RUNX1T1: variants seen among roughly 807,000 people sequenced by gnomAD.
RUNX1T1 encodes protein CBFA2T1.
Under a neutral mutation model 62.8 loss-of-function variants are expected in RUNX1T1, and 4 were observed. The observed-to-expected ratio is 0.06, with a 90% confidence interval of 0.03 to 0.15. The LOEUF is 0.15. Ranked by LOEUF, RUNX1T1 falls within the 10% of genes least tolerant of loss-of-function variation. The probability of loss-of-function intolerance (pLI) is 1.00; values close to 1 mark genes in which losing one functional copy is unlikely to be tolerated. For missense variants in RUNX1T1, 508 were observed against 754.3 expected (o/e 0.67, Z 3.82); for synonymous variants, 291 against 286.0 (o/e 1.02, Z -0.18).
intron 8 of RUNX1T1, among the ~76,000 whole-genome samples, chr8:91,985,762 T>C (rs1462006585): frequency 1.3e-5 from 2 of 152,184 alleles, no homozygotes; most frequent in African/African-American, 4.8e-5. Flanking sequence ...CAGAATTCAC[T>C]AGAGACCTTG....
intron 9 of RUNX1T1, among the ~76,000 whole-genome samples, chr8:91,975,366 A>C (rs1813691667): frequency 6.6e-6 from 1 of 152,190 alleles, no homozygotes; most frequent in Non-Finnish European, 1.5e-5. Context: ...TCACTTAAAG[A>C]GTAATTTAGC....
intron 10 of RUNX1T1, among the ~76,000 whole-genome samples, chr8:91,963,188 T>A (rs1467785974): frequency 1.3e-5 from 2 of 152,236 alleles, no homozygotes; most frequent in South Asian, 2.1e-4. Flanking sequence ...TAGTATTGTC[T>A]GGTTCTGATC....
At chr8:92,021,443 C>T (rs1480217037) in intron 1 of RUNX1T1, among the ~76,000 whole-genome samples, 1 of 152,116 alleles carries the variant, frequency 6.6e-6, no homozygotes. Flanking sequence ...CTGATGAGCA[C>T]TGTGGTAATG....
rs539078587 is a variant in RUNX1T1 at position 91,996,819 on chromosome 8, T to A, written c.660-4930A>T. ...TAAACTATTAGGAAAAGAAAATAAA[T>A]GTCCTTTAAAAACTACATGAGGCTG... On this transcript the variant is annotated intron_variant, in intron 5 of 10. Coordinates refer to ENST00000396218, the Ensembl canonical transcript of RUNX1T1. Among the ~76,000 whole-genome samples the A allele has an allele frequency of 5.9e-5, 9 of 151,948 alleles. No homozygotes were observed. The South Asian group carries it at 1.9e-3, about 32-fold the overall frequency.
At chr8:91,981,403 G>GTTTT (rs1815212744) in intron 8 of RUNX1T1, among the ~76,000 whole-genome samples, 2 of 106,186 alleles carry the variant, frequency 1.9e-5, no homozygotes, top group African/African-American at 3.6e-5. Flanking sequence ...AAGTTACTAA[G>GTTTT]CTTTTTTTTT....
chr8:92,059,972 C>T (rs984683200), intron 1 of RUNX1T1, among the ~76,000 whole-genome samples: 1 of 152,058 alleles, frequency 6.6e-6, no homozygotes, highest in Non-Finnish European at 1.5e-5. Context: ...CACTTATTGT[C>T]CTTTTAAGGA....
chr8:91,975,837 A>C, intron 9 of RUNX1T1, 68 bp downstream of exon 10: 1 of 1,006,740 alleles, frequency 9.9e-7, no homozygotes, highest in Non-Finnish European at 1.6e-6. Context: ...GTCATTCCTC[A>C]CATCACTACA....
In RUNX1T1 at chr8:92,008,367, ATC is replaced by A. The variant is rs149208341; in HGVS notation, c.477+2633_477+2634del. Among the ~76,000 whole-genome samples, 190 of 132,670 alleles carry A rather than the reference ATC, an allele frequency of 1.4e-3. 3 individuals are homozygous for A. Among genetic ancestry groups the A allele is most frequent in the African/African-American group, 3.8e-3 (132 of 35,094 alleles). 87.0% of individuals were successfully genotyped at this position (132,670 alleles called of 152,430 possible). ...AAAAAGAATTATTTGGGTGCCACAT[ATC>A]TCTCTCTCTCTCTCTCTCTCACACA... On this transcript the variant is annotated intron_variant, in intron 4 of 10. Transcript: ENST00000396218.
At chr8:92,036,447 G>T (rs1034023333) in intron 1 of RUNX1T1, among the ~76,000 whole-genome samples, 1 of 152,082 alleles carries the variant, frequency 6.6e-6, no homozygotes, top group East Asian at 1.9e-4. Flanking sequence ...TCCCTAAAAG[G>T]CAAAGGGATA....
chr8:92,055,599 G>A (rs561427697), intron 1 of RUNX1T1, among the ~76,000 whole-genome samples: 52 of 152,186 alleles, frequency 3.4e-4, no homozygotes, highest in African/African-American at 1.2e-3. Context: ...GTGCCACCAC[G>A]CCTGGCTTCC....
At chr8:92,003,442 G>A (rs1294521879) in intron 5 of RUNX1T1, 4 of 452,832 alleles carry the variant, frequency 8.8e-6, no homozygotes, top group Non-Finnish European at 1.8e-5. Context: ...TTATTTAGCA[G>A]TTCAGAATGC....
chr8:92,067,272 T>C (rs1192711827), upstream of RUNX1T1, among the ~76,000 whole-genome samples: 1 of 152,174 alleles, frequency 6.6e-6, no homozygotes, highest in African/African-American at 2.4e-5. Flanking sequence ...ATGCAACTAG[T>C]CAGACAAAGC....
rs1003147952 is a variant in RUNX1T1, at chr8:92,005,501, C to T, written c.478-204G>A. On this transcript the variant is annotated intron_variant, in intron 4 of 10. Transcript: ENST00000396218. ...ATTGCCCTAAGTGTGAGGTGACTGACCCTTGTACATCACTTTACCTCTCTT... is the reference window on the plus strand; with the variant it reads ...ATTGCCCTAAGTGTGAGGTGACTGATCCTTGTACATCACTTTACCTCTCTT... 1.7e-5 allele frequency: 9 copies of T among 528,748 alleles called. No homozygotes were observed. The South Asian group carries it at 1.9e-4, about 11-fold the overall frequency. The allele number at this position is 528,748 out of a possible 1,614,324, so 32.8% of individuals were successfully genotyped here. A position where few individuals can be genotyped will look rare whatever the true frequency, so the allele number is the denominator to read the frequency against.
chr8:92,095,166 C>T (rs1837606396), intron 1 of RUNX1T1: 8 of 1,535,274 alleles, frequency 5.2e-6, no homozygotes, highest in South Asian at 1.2e-5. Flanking sequence ...AAATTCTCTC[C>T]GCCAGCTAAG....
At chr8:92,071,225 T>C (rs1833623628) in intron 2 of RUNX1T1, 1 of 152,190 alleles carries the variant, frequency 6.6e-6, no homozygotes, top group African/African-American at 2.4e-5. Flanking sequence ...TTCTATCACC[T>C]TTTTTTAAAA....
At chr8:91,990,922 G>A (rs1817546556) in intron 6 of RUNX1T1, among the ~76,000 whole-genome samples, 1 of 152,146 alleles carries the variant, frequency 6.6e-6, no homozygotes, top group South Asian at 2.1e-4. Flanking sequence ...GCCTCCCAAA[G>A]TGCTGGGATT....
intron 5 of RUNX1T1, among the ~76,000 whole-genome samples, chr8:91,998,202 G>A (rs573174893): frequency 3.9e-5 from 6 of 152,250 alleles, no homozygotes; most frequent in Admixed American, 1.3e-4. Context: ...TGAATTTCAC[G>A]TAACACACTT....
At chr8:92,025,229 G>T (rs1824911134) in intron 1 of RUNX1T1, among the ~76,000 whole-genome samples, 1 of 152,134 alleles carries the variant, frequency 6.6e-6, no homozygotes. Flanking sequence ...TATGCCAATG[G>T]TGTGACCAGA....
At chr8:92,050,317 G>A (rs1185506193) in intron 1 of RUNX1T1, among the ~76,000 whole-genome samples, 1 of 152,134 alleles carries the variant, frequency 6.6e-6, no homozygotes, top group Non-Finnish European at 1.5e-5. Context: ...GGTAATATTT[G>A]AAGTGTTTTA....
Sources: allele counts gnomAD v4.1 joint callset (sites outside exome capture counted in the v4.1 genomes callset), GRCh38; gene constraint gnomAD v4.1.1; transcripts MANE v1.5; gene names NCBI Gene and HGNC (gene_info 2026-07-23, HGNC 2026-07-21).